Variants in GRIK1 observed in about 807,000 individuals in gnomAD.
GRIK1 encodes glutamate receptor ionotropic, kainate 1.
Under a neutral mutation model 105.7 loss-of-function variants are expected in GRIK1, and 69 were observed. That is an observed-to-expected ratio of 0.65 (90% CI 0.54 to 0.80). The LOEUF (loss-of-function observed/expected upper bound fraction) is 0.80. Ranked by LOEUF, GRIK1 falls within the 30% of genes least tolerant of loss-of-function variation. The pLI is 0.00. For missense variants in GRIK1, 1,109 were observed against 1,167.3 expected (o/e 0.95, Z 0.73); for synonymous variants, 438 against 431.3 (o/e 1.02, Z -0.19).
rs557006518 is a variant in GRIK1 at position 29,536,938 on chromosome 21, G to T, written c.*292C>A. Reference sequence around the variant, plus strand: ...AACAAACCAAGCTCAACTTGTTCTGGAAAAAAACCCTGTTGTTTTATTATT... The same window carrying T: ...AACAAACCAAGCTCAACTTGTTCTGTAAAAAAACCCTGTTGTTTTATTATT... On this transcript the variant is annotated 3_prime_UTR_variant, in exon 18 of 18. Coordinates refer to ENST00000327783, the MANE Select transcript of GRIK1 (RefSeq NM_001330994.2). The T allele has an allele frequency of 1.1e-4, 21 of 188,726 alleles. No individual in the cohort carries two copies. In the Admixed American group the frequency reaches 1.2e-3, roughly 11 times the overall value. The allele number at this position is 188,726 out of a possible 1,614,324, so 11.7% of individuals were successfully genotyped here. A position where few individuals can be genotyped will look rare whatever the true frequency, so the allele number is the denominator to read the frequency against.
chr21:29,794,326 G>A (rs889086637), intron 1 of GRIK1, among the ~76,000 whole-genome samples: 2 of 152,058 alleles, frequency 1.3e-5, no homozygotes, highest in African/African-American at 2.4e-5. Context: ...TTTAAATATC[G>A]ATTTTAAATA....
At chr21:29,900,877 C>T (rs994972650) in intron 1 of GRIK1, among the ~76,000 whole-genome samples, 1 of 152,088 alleles carries the variant, frequency 6.6e-6, no homozygotes, top group African/African-American at 2.4e-5. Context: ...AAATTGACCA[C>T]GTAATTGGAA....
At chr21:29,591,043 T>G in intron 10 of GRIK1, 69 bp downstream of exon 10, 1 of 856,854 alleles carries the variant, frequency 1.2e-6, no homozygotes, top group East Asian at 2.4e-5. Flanking sequence ...AAAAGACAGT[T>G]GAGGAATGCT....
intron 1 of GRIK1, among the ~76,000 whole-genome samples, chr21:29,697,697 A>C (rs2063730540): frequency 6.6e-6 from 1 of 152,142 alleles, no homozygotes. Flanking sequence ...ATGTGGGCAG[A>C]CTGTTTAACG....
intron 1 of GRIK1, among the ~76,000 whole-genome samples, chr21:29,886,152 A>G (rs980727766): frequency 2.0e-5 from 3 of 152,164 alleles, no homozygotes; most frequent in Non-Finnish European, 4.4e-5. Context: ...CTTAAAAGAA[A>G]CAAATCTTTA....
intron 7 of GRIK1, among the ~76,000 whole-genome samples, chr21:29,601,870 A>C (rs1192769223): frequency 6.6e-6 from 1 of 152,236 alleles, no homozygotes; most frequent in East Asian, 1.9e-4. Context: ...TATTTAACAA[A>C]ATGGCATAGC....
intron 1 of GRIK1, among the ~76,000 whole-genome samples, chr21:29,919,545 T>C (rs1295771385): frequency 6.6e-6 from 1 of 152,092 alleles, no homozygotes; most frequent in African/African-American, 2.4e-5. Flanking sequence ...CTTGGGAATA[T>C]GAGAAACATA....
chr21:29,582,620 T>C (rs2091046958), intron 12 of GRIK1, among the ~76,000 whole-genome samples: 1 of 152,184 alleles, frequency 6.6e-6, no homozygotes, highest in South Asian at 2.1e-4. Flanking sequence ...CTGACCTATG[T>C]AGCCCAAAGG....
At chr21:29,832,831 G>A (rs1317145106) in intron 1 of GRIK1, among the ~76,000 whole-genome samples, 2 of 152,144 alleles carry the variant, frequency 1.3e-5, no homozygotes, top group Non-Finnish European at 2.9e-5. Context: ...CAACTCGCCT[G>A]GATTCATTCC....
At chr21:29,769,640 A>G (rs576393544) in intron 1 of GRIK1, among the ~76,000 whole-genome samples, 1 of 152,076 alleles carries the variant, frequency 6.6e-6, no homozygotes, top group South Asian at 2.1e-4. Flanking sequence ...CCCGCTGGCC[A>G]CTCATCTCCT....
chr21:29,789,202 G>A (rs2066344991), intron 1 of GRIK1, among the ~76,000 whole-genome samples: 1 of 152,154 alleles, frequency 6.6e-6, no homozygotes. Context: ...ACTTAGATAA[G>A]GGTTGGGAAT....
intron 1 of GRIK1, among the ~76,000 whole-genome samples, chr21:29,904,304 G>A (rs1439636989): frequency 1.4e-5 from 2 of 145,730 alleles, no homozygotes; most frequent in Non-Finnish European, 3.0e-5. Flanking sequence ...AAAATATTGT[G>A]GACACTTTTT....
chr21:29,891,281 G>A (rs564590506), intron 1 of GRIK1, among the ~76,000 whole-genome samples: 2 of 152,140 alleles, frequency 1.3e-5, no homozygotes, highest in Non-Finnish European at 2.9e-5. Context: ...CGATCATTCA[G>A]TATCATCGAG....
intron 1 of GRIK1, among the ~76,000 whole-genome samples, chr21:29,789,696 A>G (rs903618027): frequency 1.6e-4 from 24 of 152,284 alleles, no homozygotes; most frequent in African/African-American, 5.3e-4. Flanking sequence ...CTATTTTCTT[A>G]AGTCCAGATT....
chr21:29,720,379 T>G (rs1348478155), intron 1 of GRIK1, among the ~76,000 whole-genome samples: 2 of 152,194 alleles, frequency 1.3e-5, no homozygotes, highest in African/African-American at 4.8e-5. Context: ...TTGCTACCTC[T>G]AAGTGCCTGT....
intron 1 of GRIK1, among the ~76,000 whole-genome samples, chr21:29,911,610 G>T (rs1370030477): frequency 1.3e-5 from 2 of 152,062 alleles, no homozygotes; most frequent in African/African-American, 4.8e-5. Context: ...CAGTGGGATG[G>T]TACTGGTAGG....
intron 1 of GRIK1, among the ~76,000 whole-genome samples, chr21:29,903,705 A>G (rs2070498369): frequency 6.6e-6 from 1 of 152,210 alleles, no homozygotes; most frequent in African/African-American, 2.4e-5. Context: ...TAGTTCAACC[A>G]TTGTGGAAAA....
chr21:29,686,549 G>A (rs2063489706), intron 3 of GRIK1, among the ~76,000 whole-genome samples: 1 of 152,220 alleles, frequency 6.6e-6, no homozygotes, highest in African/African-American at 2.4e-5. Context: ...CTATAGCAGA[G>A]GTGAAATAGG....
chr21:29,908,236 G>A (rs1408592234), intron 1 of GRIK1, among the ~76,000 whole-genome samples: 1 of 93,338 alleles, frequency 1.1e-5, no homozygotes, highest in Non-Finnish European at 2.1e-5. Flanking sequence ...ACACAGAAAT[G>A]TATATGAAAA....
Sources: gnomAD v4.1 joint callset for allele counts (sites outside exome capture counted in the v4.1 genomes callset) on GRCh38, gnomAD v4.1.1 for gene constraint, MANE v1.5 for transcripts, NCBI Gene and HGNC (gene_info 2026-07-23, HGNC 2026-07-21) for gene names.